Variants in RBFOX3 observed in about 807,000 individuals in gnomAD.
RBFOX3 encodes RNA binding protein fox-1 homolog 3.
In RBFOX3, 17 loss-of-function variants were observed where a neutral mutation model predicts 48.7. The observed-to-expected ratio is 0.35, with a 90% confidence interval of 0.24 to 0.52. The LOEUF (loss-of-function observed/expected upper bound fraction) is 0.52. Among genes scored for constraint, RBFOX3 ranks in the 20% least tolerant of loss-of-function variants. The pLI, the probability that RBFOX3 is intolerant of heterozygous loss-of-function variation, is 0.94. For synonymous variants in RBFOX3, 212 were observed against 209.5 expected (o/e 1.01, Z -0.10); for missense variants, 382 against 497.5 (o/e 0.77, Z 2.21).
intron 4 of RBFOX3, among the ~76,000 whole-genome samples, chr17:79,161,020 C>T (rs532673435): frequency 6.0e-5 from 9 of 151,154 alleles, no homozygotes; most frequent in East Asian, 1.9e-4. Flanking sequence ...GTGGGCTGGG[C>T]ACAGTGCTAA....
At chr17:79,237,497 C>T (rs1022224026) in intron 3 of RBFOX3, among the ~76,000 whole-genome samples, 22 of 152,222 alleles carry the variant, frequency 1.4e-4, no homozygotes, top group African/African-American at 5.1e-4. Flanking sequence ...AGCAGGTTAC[C>T]CCATCTGCCT....
intron 4 of RBFOX3, among the ~76,000 whole-genome samples, chr17:79,159,322 C>T (rs1302012665): frequency 2.0e-5 from 3 of 152,134 alleles, no homozygotes; most frequent in Non-Finnish European, 4.4e-5. Context: ...TTCCTCCTCA[C>T]AGATTCTATA....
In RBFOX3 at chr17:79,242,711, T is replaced by C. The variant is rs995255651; in HGVS notation, c.-73-6906A>G. 1.3e-5 allele frequency among the ~76,000 whole-genome samples: 2 copies of C among 152,072 alleles called. No homozygotes were observed. The highest frequency in any genetic ancestry group is 2.4e-5 in the African/African-American group (1 of 41,432). Reference sequence around the variant, plus strand: ...CAGTAGTCCCTGGAGTGGCTTTGGGTTCTGAGCACACTGCCCATACTTAGG... The same window carrying C: ...CAGTAGTCCCTGGAGTGGCTTTGGGCTCTGAGCACACTGCCCATACTTAGG... On this transcript the variant is annotated intron_variant, in intron 3 of 14. Coordinates refer to ENST00000693108, the MANE Select transcript of RBFOX3 (RefSeq NM_001350451.2). The surrounding 1 kb of genome is among the most constrained non-coding windows in gnomAD (Gnocchi z 5.8).
intron 3 of RBFOX3, among the ~76,000 whole-genome samples, chr17:79,251,633 G>A (rs2063972591): frequency 6.6e-6 from 1 of 152,110 alleles, no homozygotes; most frequent in Non-Finnish European, 1.5e-5. Flanking sequence ...CCTAGAACAT[G>A]GCGCGGCCTC....
At chr17:79,130,476 G>A (rs1193635352) in intron 4 of RBFOX3, among the ~76,000 whole-genome samples, 1 of 152,268 alleles carries the variant, frequency 6.6e-6, no homozygotes, top group East Asian at 1.9e-4. Context: ...CTGGGCCGCT[G>A]TGGTCCCTGC....
At chr17:79,611,597 G>C (rs1346027887), upstream of RBFOX3, among the ~76,000 whole-genome samples, 1 of 152,170 alleles carries the variant, frequency 6.6e-6, no homozygotes, top group African/African-American at 2.4e-5. Flanking sequence ...GTGCCTCGCT[G>C]TCCCTGGGGG....
At chr17:79,661,158 G>T in the RBFOX3 span, among the ~76,000 whole-genome samples, 1 of 152,160 alleles carries the variant, frequency 6.6e-6, no homozygotes, top group East Asian at 1.9e-4. Context: ...AGGAAGAATA[G>T]CTAATGGATT....
At chr17:79,663,215 C>T in the RBFOX3 span, among the ~76,000 whole-genome samples, 2 of 152,138 alleles carry the variant, frequency 1.3e-5, no homozygotes, top group Admixed American at 6.5e-5. Context: ...TTCTACCTTC[C>T]TCCAAGCCAA....
upstream of RBFOX3, among the ~76,000 whole-genome samples, chr17:79,612,703 C>A (rs1053097020): frequency 3.3e-5 from 5 of 152,228 alleles, no homozygotes; most frequent in Admixed American, 1.3e-4. Flanking sequence ...ACTGAACTTT[C>A]CCCTGCCACC....
At chr17:79,312,338 T>G (rs1157761765) in intron 2 of RBFOX3, among the ~76,000 whole-genome samples, 1 of 148,980 alleles carries the variant, frequency 6.7e-6, no homozygotes, top group East Asian at 2.0e-4. Context: ...AGAGAGCCGG[T>G]GGCAGCAAGC....
chr17:79,416,553 G>C (rs2065396620), intron 2 of RBFOX3, among the ~76,000 whole-genome samples: 1 of 152,234 alleles, frequency 6.6e-6, no homozygotes, highest in Non-Finnish European at 1.5e-5. Flanking sequence ...CGTGACCAGA[G>C]AGAGCGAAGA....
rs2056125258 is a variant in RBFOX3 at position 79,198,415 on chromosome 17, T to C, written c.-34+37351A>G. 6.6e-6 allele frequency among the ~76,000 whole-genome samples: 1 copy of C among 152,180 alleles called. No individual in the cohort carries two copies. The highest frequency in any genetic ancestry group is 2.4e-5 in the African/African-American group (1 of 41,446). On this transcript the variant is annotated intron_variant, in intron 4 of 14. Transcript: ENST00000693108. The surrounding 1 kb of genome is among the most constrained non-coding windows in gnomAD (Gnocchi z 8.2). ...CAGTGCTAAGGTGACAGTGGAACGC[T>C]GGCATCTGTGTCCCGCCTGCCAGCT...
intron 1 of RBFOX3, chr17:79,600,237 C>T (rs2093674264): frequency 6.6e-6 from 1 of 152,314 alleles, no homozygotes; most frequent in South Asian, 2.1e-4. Context: ...TGCACGCACA[C>T]AGGTACATGT....
intron 2 of RBFOX3, among the ~76,000 whole-genome samples, chr17:79,384,495 C>A (rs555572149): frequency 6.6e-6 from 1 of 152,308 alleles, no homozygotes; most frequent in South Asian, 2.1e-4. Context: ...TCTGGAGAAC[C>A]GTCTGCCCTC....
rs1400064581 is a variant in RBFOX3, at chr17:79,480,849, G to C, written c.-175+1605C>G. On this transcript the variant is annotated intron_variant, in intron 2 of 14. Coordinates refer to ENST00000693108, the MANE Select transcript of RBFOX3 (RefSeq NM_001350451.2). This position sits in a 1 kb window ranked among gnomAD's most constrained non-coding sequence, Gnocchi z 4.8. ...TTATCTTCACAGCGTTATGGCGCCT[G>C]ACATACATTTATTCGCCATGTCCCT... 2.6e-5 allele frequency among the ~76,000 whole-genome samples: 4 copies of C among 152,292 alleles called. No homozygotes were observed. In the East Asian group the frequency reaches 7.7e-4, roughly 29 times the overall value.
chr17:79,194,278 G>A (rs902711303), intron 4 of RBFOX3, among the ~76,000 whole-genome samples: 7 of 152,048 alleles, frequency 4.6e-5, no homozygotes, highest in Admixed American at 1.3e-4. Context: ...CCCAGATTCC[G>A]AGCAAGGGGG....
chr17:79,271,869 C>T (rs984227354), intron 3 of RBFOX3, among the ~76,000 whole-genome samples: 1 of 152,240 alleles, frequency 6.6e-6, no homozygotes, highest in Non-Finnish European at 1.5e-5. Context: ...TCCCCGGGGG[C>T]TCCCCATGGC....
chr17:79,146,958 C>T (rs148803643), intron 4 of RBFOX3, among the ~76,000 whole-genome samples: 1 of 152,330 alleles, frequency 6.6e-6, no homozygotes, highest in East Asian at 1.9e-4. Flanking sequence ...TCAAAACGGG[C>T]CCCCTGCCTG....
intron 4 of RBFOX3, among the ~76,000 whole-genome samples, chr17:79,151,946 G>A (rs2044612839): frequency 1.6e-5 from 1 of 63,876 alleles, no homozygotes; most frequent in South Asian, 4.6e-4. Flanking sequence ...AGAGGGAGGC[G>A]CGGATGGGAG....
Sources: gnomAD v4.1 joint callset for allele counts (sites outside exome capture counted in the v4.1 genomes callset) on GRCh38, gnomAD v4.1.1 for gene constraint, Gnocchi (gnomAD v3.1) non-coding constraint, MANE v1.5 for transcripts, NCBI Gene and HGNC (gene_info 2026-07-23, HGNC 2026-07-21) for gene names.